Variants in STK38L observed in about 807,000 individuals in gnomAD.
STK38L encodes the protein serine/threonine kinase 38 like.
Under a neutral mutation model 59.7 loss-of-function variants are expected in STK38L, and 28 were observed. That is an observed-to-expected ratio of 0.47 (90% CI 0.35 to 0.64). STK38L has a LOEUF of 0.64. STK38L is among the 30% of genes least tolerant of loss of function. The pLI, the probability that STK38L is intolerant of heterozygous loss-of-function variation, is 0.01. For synonymous variants in STK38L, 162 were observed against 176.8 expected, an observed-to-expected ratio of 0.92 and a Z score of 0.66; for missense variants, 314 against 555.8, an observed-to-expected ratio of 0.56 and a Z score of 4.37.
Position 27,318,036 on chromosome 12 carries a change from C to T in STK38L, c.1079+17C>T, listed in dbSNP as rs201716376. On this transcript the variant is annotated intron_variant, in intron 11 of 13. Coordinates refer to ENST00000389032, the MANE Select transcript of STK38L (RefSeq NM_015000.4). The stretch of plus-strand genomic sequence containing the variant: ...AATTCTCAGGTTAGTGGTTAAATTC[C>T]TAGAGGAGTTCATAGTGTCTTAAAA... 6.2e-7 allele frequency: 1 copy of T among 1,613,062 alleles called. No homozygotes were observed. The highest frequency in any genetic ancestry group is 2.2e-5 in the East Asian group (1 of 44,850).
At chr12:27,286,974 TCAAA>T (rs1325415011) in intron 1 of STK38L, among the ~76,000 whole-genome samples, 6 of 152,262 alleles carry the variant, frequency 3.9e-5, no homozygotes, top group Non-Finnish European at 8.8e-5. Flanking sequence ...CTGTTTATTA[TCAAA>T]CAGTGTTATG....
intron 1 of STK38L, among the ~76,000 whole-genome samples, chr12:27,296,443 A>T (rs144248563): frequency 5.9e-5 from 9 of 152,294 alleles, no homozygotes; most frequent in Non-Finnish European, 1.0e-4. Context: ...TAGAACTGGG[A>T]GTTTGCCATA....
Position 27,312,592 on chromosome 12 carries a change from A to G in STK38L, c.437A>G (p.Asp146Gly). 1 of 1,614,114 alleles carries G rather than the reference A, an allele frequency of 6.2e-7. No individual in the cohort carries two copies. The highest frequency in any genetic ancestry group is 8.5e-7 in the Non-Finnish European group (1 of 1,180,002). Residue 146 changes from aspartate to glycine, a missense_variant, in exon 6 of 14, where the codon GAT (aspartate) becomes GGT (glycine). This residue lies in a region of STK38L where 192 missense variants were observed against 316.9 expected (regional missense o/e 0.61). Transcript: ENST00000389032. Reference sequence around the variant, plus strand: ...GAAAGAGATATTTTGGTAGAAGCAGATGGTGCCTGGGTGGTGAAGATGTTT... The same window carrying G: ...GAAAGAGATATTTTGGTAGAAGCAGGTGGTGCCTGGGTGGTGAAGATGTTT... ...RAERDILVEA[D>G]GAWVVKMFYS...
intron 9 of STK38L, among the ~76,000 whole-genome samples, chr12:27,316,579 T>C (rs1944589462): frequency 6.6e-6 from 1 of 152,224 alleles, no homozygotes; most frequent in African/African-American, 2.4e-5. Context: ...ATGCCAGTTA[T>C]GTCACTGAGA....
rs186566359 is a variant in STK38L, at chr12:27,308,889, T to C, written c.310-225T>C. Among the ~76,000 whole-genome samples, 797 of 145,688 alleles carry C rather than the reference T, an allele frequency of 5.5e-3. 9 individuals carry two copies. Among genetic ancestry groups the C allele is most frequent in the African/African-American group, 0.018 (736 of 40,340 alleles). Reference sequence around the variant, plus strand: ...ATATAAATATAAATATATATAAATGTAAATATATAAATATATATAAATATA... The same window carrying C: ...ATATAAATATAAATATATATAAATGCAAATATATAAATATATATAAATATA... On this transcript the variant is annotated intron_variant, in intron 4 of 13. Transcript: ENST00000389032. This position sits in a 1 kb window ranked among gnomAD's most constrained non-coding sequence, Gnocchi z 4.5.
At chr12:27,312,472 T>C in intron 5 of STK38L, 77 bp from the exon 6 acceptor site, 2 of 1,483,678 alleles carry the variant, frequency 1.3e-6, no homozygotes, top group South Asian at 2.5e-5. Context: ...CTGTTATGGA[T>C]GGATAAGTGT....
At chr12:27,320,821 GC>G (rs1242307458) in intron 12 of STK38L, among the ~76,000 whole-genome samples, 1 of 143,206 alleles carries the variant, frequency 7.0e-6, no homozygotes, top group Non-Finnish European at 1.5e-5. Context: ...TCACTCTGTC[GC>G]CCAGGCTGGA....
intron 9 of STK38L, among the ~76,000 whole-genome samples, chr12:27,316,550 T>C (rs1467981330): frequency 6.6e-6 from 1 of 152,214 alleles, no homozygotes; most frequent in Non-Finnish European, 1.5e-5. Context: ...CTTTAGCACC[T>C]GGATCCCCTG....
At chr12:27,248,981 A>T (rs1031195141) in intron 1 of STK38L, among the ~76,000 whole-genome samples, 2 of 152,188 alleles carry the variant, frequency 1.3e-5, no homozygotes, top group Non-Finnish European at 2.9e-5. Flanking sequence ...TCGCTTTGTT[A>T]TAAAAAGTTT....
chr12:27,262,794 C>A (rs1215299308), intron 1 of STK38L, among the ~76,000 whole-genome samples: 1 of 127,818 alleles, frequency 7.8e-6, no homozygotes, highest in Non-Finnish European at 1.6e-5. Context: ...TATGTAGACT[C>A]TGAGAATTTT....
intron 5 of STK38L, among the ~76,000 whole-genome samples, 189 bp downstream of exon 5, chr12:27,309,386 G>C (rs964305327): frequency 6.6e-6 from 1 of 152,136 alleles, no homozygotes; most frequent in Admixed American, 6.5e-5. Context: ...ATGTATGTCT[G>C]CTTAGACTTC....
At chr12:27,320,536 C>T (rs1944702531) in intron 12 of STK38L, among the ~76,000 whole-genome samples, 1 of 149,776 alleles carries the variant, frequency 6.7e-6, no homozygotes, top group Non-Finnish European at 1.5e-5. Flanking sequence ...AAGCGATCCA[C>T]CTGCCTCGGC....
At chr12:27,312,729 C>A in intron 6 of STK38L, 57 bp downstream of exon 6, 1 of 1,579,910 alleles carries the variant, frequency 6.3e-7, no homozygotes, top group Non-Finnish European at 8.6e-7. Context: ...TTATATGCAA[C>A]AATAATTTTA....
intron 1 of STK38L, among the ~76,000 whole-genome samples, chr12:27,265,681 G>C (rs1226181515): frequency 6.6e-6 from 1 of 152,066 alleles, no homozygotes; most frequent in African/African-American, 2.4e-5. Flanking sequence ...GTGTATCCAG[G>C]GGCCTCTTAT....
chr12:27,319,297 G>T (rs778909086), intron 11 of STK38L, 31 bp from the exon 12 acceptor site: 1 of 1,431,886 alleles, frequency 7.0e-7, no homozygotes, highest in African/African-American at 1.4e-5. Flanking sequence ...TGTAACTTGT[G>T]TATGATAATT....
At position 27,297,727 on chromosome 12, in the gene STK38L, A is replaced by G. The variant is rs1326997121; in HGVS notation, c.7A>G (p.Met3Val). The G allele has an allele frequency of 6.2e-7, 1 of 1,612,536 alleles. No homozygotes were observed. Among genetic ancestry groups the G allele is most frequent in the Non-Finnish European group, 8.5e-7 (1 of 1,179,300 alleles). Residue 3 changes from methionine (M) to valine (V), a missense_variant, in exon 2 of 14, where the codon ATG becomes GTG. Met to Val is a conservative substitution (Grantham distance 21). Transcript: ENST00000389032. The stretch of plus-strand genomic sequence containing the variant: ...TGTTTCAGTTTCCGTTACTATGGCA[A>G]TGACGGCAGGGACTACAACAACCTT... MA[M>V]TAGTTTTFPM... is the part of the protein sequence containing the mutation.
intron 3 of STK38L, among the ~76,000 whole-genome samples, chr12:27,306,938 C>T (rs1565549222): frequency 6.6e-6 from 1 of 151,976 alleles, no homozygotes; most frequent in Non-Finnish European, 1.5e-5. Flanking sequence ...ACCATGTTGG[C>T]CAGGATGGTC....
intron 1 of STK38L, among the ~76,000 whole-genome samples, chr12:27,250,384 C>G (rs1320189019): frequency 6.6e-6 from 1 of 152,094 alleles, no homozygotes; most frequent in African/African-American, 2.4e-5. Context: ...ATTTATATTT[C>G]TCAAAGTTTG....
chr12:27,306,546 T>G (rs1369353760), intron 3 of STK38L, among the ~76,000 whole-genome samples: 1 of 152,186 alleles, frequency 6.6e-6, no homozygotes, highest in Non-Finnish European at 1.5e-5. Flanking sequence ...GTATTTGTCA[T>G]TGCATTTAGG....
Sources: gnomAD v4.1 joint callset for allele counts (sites outside exome capture counted in the v4.1 genomes callset) on GRCh38, gnomAD v4.1.1 for gene constraint, gnomAD v4.1.1 regional missense constraint, Gnocchi (gnomAD v3.1) non-coding constraint, MANE v1.5 for transcripts, NCBI Gene and HGNC (gene_info 2026-07-23, HGNC 2026-07-21) for gene names.